The following KLHL1 variants were observed in gnomAD, a reference collection of about 807,000 sequenced individuals.
KLHL1 encodes kelch like family member 1.
A neutral mutation model predicts 77.7 loss-of-function variants in KLHL1; 47 were observed. The ratio of observed to expected loss-of-function variants is 0.60; its 90% CI spans 0.48 to 0.77. The LOEUF (loss-of-function observed/expected upper bound fraction) is 0.77, where lower values mean the gene tolerates loss of function less well. KLHL1 is among the 30% of genes least tolerant of loss of function. The pLI, the probability that KLHL1 is intolerant of heterozygous loss-of-function variation, is 0.00. For missense variants in KLHL1, 925 were observed against 910.8 expected (o/e 1.02, Z -0.20); for synonymous variants, 360 against 325.2 (o/e 1.11, Z -1.15).
intron 6 of KLHL1, among the ~76,000 whole-genome samples, chr13:69,812,310 T>C (rs1015538883): frequency 2.0e-5 from 3 of 152,074 alleles, no homozygotes; most frequent in African/African-American, 7.2e-5. Context: ...TTACACCTTA[T>C]ACAAAAATTA....
intron 2 of KLHL1, among the ~76,000 whole-genome samples, chr13:69,967,754 G>A (rs988553772): frequency 1.4e-4 from 22 of 151,912 alleles, no homozygotes; most frequent in African/African-American, 5.1e-4. Context: ...GCGTGGTGGC[G>A]CGTGCCTGTA....
intron 2 of KLHL1, among the ~76,000 whole-genome samples, chr13:69,972,221 T>A (rs1243382698): frequency 6.6e-6 from 1 of 152,016 alleles, no homozygotes; most frequent in Admixed American, 6.6e-5. Flanking sequence ...ATGTATTTAA[T>A]GTGGTTTAAG....
rs144341116 is a variant in KLHL1 at position 69,704,904 on chromosome 13, T to C, written c.2187+2721A>G. Reference sequence around the variant, plus strand: ...TAACAAAATTCTCAATATATCATTATCAATATATCTTATATATCTATTGTC... The same window carrying C: ...TAACAAAATTCTCAATATATCATTACCAATATATCTTATATATCTATTGTC... On this transcript the variant is annotated intron_variant, in intron 10 of 10. Transcript: ENST00000377844. 2.7e-4 allele frequency among the ~76,000 whole-genome samples: 41 copies of C among 151,820 alleles called. No individual in the cohort carries two copies. In the East Asian group the frequency reaches 7.2e-3, roughly 27 times the overall value.
rs1888114275 is a variant in KLHL1 at position 70,107,868 on chromosome 13, G to A, written c.-169C>T. 3.5e-6 allele frequency: 2 copies of A among 574,830 alleles called. No homozygotes were observed. Among genetic ancestry groups the A allele is most frequent in the Non-Finnish European group, 5.9e-6 (2 of 341,190 alleles). The allele number at this position is 574,830 out of a possible 1,614,324, so 35.6% of individuals were successfully genotyped here. Reference sequence around the variant, plus strand: ...CTGCGCGCTCTGCCAGGCGAAGGCTGGAGCGCAGACGGCAAAGCCGCGCGT... The same window carrying A: ...CTGCGCGCTCTGCCAGGCGAAGGCTAGAGCGCAGACGGCAAAGCCGCGCGT... On this transcript the variant is annotated 5_prime_UTR_variant, in exon 1 of 11. Transcript: ENST00000377844.
chr13:69,962,775 AG>A (rs1884105330), intron 2 of KLHL1, among the ~76,000 whole-genome samples: 1 of 92,070 alleles, frequency 1.1e-5, no homozygotes. Context: ...TTTTTAATCA[AG>A]GCTATAGTAG....
chr13:69,949,911 G>T (rs912801057), intron 3 of KLHL1, among the ~76,000 whole-genome samples: 2 of 151,396 alleles, frequency 1.3e-5, no homozygotes, highest in Non-Finnish European at 3.0e-5. Flanking sequence ...CTCTTTATTG[G>T]CACTCTGGCC....
intron 3 of KLHL1, among the ~76,000 whole-genome samples, chr13:69,947,167 T>C (rs1217095769): frequency 6.6e-6 from 1 of 151,792 alleles, no homozygotes; most frequent in Non-Finnish European, 1.5e-5. Context: ...ATCTCTATTA[T>C]ACTCTCTTCC....
chr13:69,996,193 C>T (rs542155641), intron 1 of KLHL1, among the ~76,000 whole-genome samples: 1 of 152,114 alleles, frequency 6.6e-6, no homozygotes, highest in East Asian at 1.9e-4. Flanking sequence ...ATCCCAGCTA[C>T]TCAGGAGGCT....
intron 1 of KLHL1, among the ~76,000 whole-genome samples, chr13:70,087,892 G>A (rs980332610): frequency 2.6e-5 from 4 of 152,026 alleles, no homozygotes; most frequent in African/African-American, 7.2e-5. Flanking sequence ...ACAGAGAGGG[G>A]AACAACACAC....
intron 1 of KLHL1, among the ~76,000 whole-genome samples, chr13:70,022,052 C>T (rs1409855458): frequency 6.6e-6 from 1 of 151,792 alleles, no homozygotes; most frequent in African/African-American, 2.4e-5. Context: ...ACAGACATTG[C>T]CAAACCCAAA....
chr13:69,976,682 TCTTAGAAA>T (rs1221128208), intron 1 of KLHL1, among the ~76,000 whole-genome samples: 1 of 152,070 alleles, frequency 6.6e-6, no homozygotes. Context: ...ATGATAAATA[TCTTAGAAA>T]GTAACATGGA....
At chr13:69,990,154 C>T (rs974751369) in intron 1 of KLHL1, among the ~76,000 whole-genome samples, 3 of 151,916 alleles carry the variant, frequency 2.0e-5, no homozygotes, top group Non-Finnish European at 4.4e-5. Flanking sequence ...AACAGAACTG[C>T]CTTATAAGAG....
intron 4 of KLHL1, among the ~76,000 whole-genome samples, chr13:69,931,022 T>C (rs906837771): frequency 6.6e-6 from 1 of 151,714 alleles, no homozygotes; most frequent in African/African-American, 2.4e-5. Context: ...ATTACCACCT[T>C]AATTTGTTAC....
intron 4 of KLHL1, among the ~76,000 whole-genome samples, chr13:69,926,109 T>A (rs1882805383): frequency 6.6e-6 from 1 of 152,172 alleles, no homozygotes; most frequent in Non-Finnish European, 1.5e-5. Flanking sequence ...CGTTTCTAGT[T>A]TTTTATTATT....
intron 1 of KLHL1, among the ~76,000 whole-genome samples, chr13:70,003,017 C>T (rs1344615362): frequency 3.3e-5 from 5 of 151,338 alleles, no homozygotes; most frequent in African/African-American, 4.8e-5. Flanking sequence ...TAAATAATAC[C>T]TAGATTTTAC....
intron 7 of KLHL1, among the ~76,000 whole-genome samples, chr13:69,791,109 C>A (rs1165012758): frequency 6.6e-6 from 1 of 151,660 alleles, no homozygotes; most frequent in African/African-American, 2.4e-5. Flanking sequence ...ATATATTAAT[C>A]TATTAAATAT....
At chr13:69,870,603 G>A (rs1345542692) in intron 5 of KLHL1, among the ~76,000 whole-genome samples, 1 of 151,682 alleles carries the variant, frequency 6.6e-6, no homozygotes, top group Non-Finnish European at 1.5e-5. Context: ...GAGACTCAAG[G>A]CAAGTTACAG....
chr13:69,775,799 T>C (rs1206479237), intron 7 of KLHL1, among the ~76,000 whole-genome samples: 1 of 151,792 alleles, frequency 6.6e-6, no homozygotes, highest in Non-Finnish European at 1.5e-5. Flanking sequence ...CAAGCAATTC[T>C]CCTTCCACGT....
intron 8 of KLHL1, among the ~76,000 whole-genome samples, chr13:69,728,604 A>T (rs1157643507): frequency 6.6e-6 from 1 of 151,414 alleles, no homozygotes; most frequent in Non-Finnish European, 1.5e-5. Context: ...GGAGTTGGAG[A>T]CCAACCTGGC....
Sources: allele counts gnomAD v4.1 joint callset (sites outside exome capture counted in the v4.1 genomes callset), GRCh38; gene constraint gnomAD v4.1.1; transcripts MANE v1.5; gene names NCBI Gene and HGNC (gene_info 2026-07-23, HGNC 2026-07-21).